Variants in FGD3 observed in about 807,000 individuals in gnomAD.
The protein encoded by FGD3 is FYVE, RhoGEF and PH domain-containing protein 3.
Under a neutral mutation model 71.8 loss-of-function variants are expected in FGD3, and 45 were observed. The observed-to-expected ratio is 0.63, with a 90% CI of 0.49 to 0.80. The LOEUF (loss-of-function observed/expected upper bound fraction) is 0.80, where lower values mean the gene tolerates loss of function less well. Among genes scored for constraint, FGD3 ranks in the 30% least tolerant of loss-of-function variants. The pLI is 0.00. For synonymous variants in FGD3, 378 were observed against 392.8 expected, an observed-to-expected ratio of 0.96 and a Z score of 0.44; for missense variants, 844 against 951.5, an observed-to-expected ratio of 0.89 and a Z score of 1.49.
At chr9:92,982,868 C>T (rs1860049407) in intron 3 of FGD3, among the ~76,000 whole-genome samples, 1 of 151,472 alleles carries the variant, frequency 6.6e-6, no homozygotes, top group South Asian at 2.1e-4. Context: ...AATGGATCAC[C>T]TGAGGTCAGG....
intron 6 of FGD3, 77 bp from the exon 7 acceptor site, chr9:93,010,169 G>A: frequency 6.6e-7 from 1 of 1,514,206 alleles, no homozygotes. Flanking sequence ...TCCTGGGGCT[G>A]TGGTGGCCAG....
chr9:93,028,237 C>CA (rs60654238), intron 14 of FGD3, among the ~76,000 whole-genome samples: 3 of 148,444 alleles, frequency 2.0e-5, no homozygotes, highest in Admixed American at 6.8e-5. Context: ...CACACACACA[C>CA]CCCAATTTTC....
At chr9:92,978,628 C>A (rs1194252588) in intron 3 of FGD3, among the ~76,000 whole-genome samples, 1 of 151,102 alleles carries the variant, frequency 6.6e-6, no homozygotes, top group Non-Finnish European at 1.5e-5. Flanking sequence ...AGGCTCCACC[C>A]CAAGGTGAAC....
At chr9:93,030,414 A>G (rs2118837044) in intron 15 of FGD3, among the ~76,000 whole-genome samples, 1 of 152,256 alleles carries the variant, frequency 6.6e-6, no homozygotes, top group Middle Eastern at 3.4e-3. Flanking sequence ...TGGTGGGCCC[A>G]TGTGATGAGG....
intron 3 of FGD3, among the ~76,000 whole-genome samples, chr9:92,995,678 G>A (rs1165495380): frequency 6.6e-6 from 1 of 152,186 alleles, no homozygotes; most frequent in Non-Finnish European, 1.5e-5. Flanking sequence ...AGAGTTTTTA[G>A]CATGAAAGGC....
Position 93,035,671 on chromosome 9 carries a change from C to A in FGD3, c.*82C>A. 1 of 1,488,160 alleles carries A rather than the reference C, an allele frequency of 6.7e-7. No individual in the cohort carries two copies. Among genetic ancestry groups the A allele is most frequent in the African/African-American group, 1.4e-5 (1 of 71,840 alleles). The allele number at this position is 1,488,160 out of a possible 1,614,324, so 92.2% of individuals were successfully genotyped here. Reference sequence around the variant, plus strand: ...GTGGTGTTGGAGGCCCCATGAAGAGCGCCCTGGACTGCTGAGGGTGGGCCA... The same window carrying A: ...GTGGTGTTGGAGGCCCCATGAAGAGAGCCCTGGACTGCTGAGGGTGGGCCA... On this transcript the variant is annotated 3_prime_UTR_variant, in exon 18 of 18. Transcript: ENST00000375482.
chr9:93,006,547 AC>A (rs1230796771), intron 6 of FGD3, among the ~76,000 whole-genome samples: 1 of 152,092 alleles, frequency 6.6e-6, no homozygotes, highest in Non-Finnish European at 1.5e-5. Flanking sequence ...TTTAAATGTT[AC>A]ATTGCTTTTT....
At chr9:93,033,363 T>TCCCTCCTTCCTCTCCCTCC in intron 16 of FGD3, 1 of 172,834 alleles carries the variant, frequency 5.8e-6, no homozygotes, top group Non-Finnish European at 1.1e-5. Context: ...CCTCTTCCTC[T>TCCCTCCTTCCTCTCCCTCC]CCCTCCTTCC....
chr9:93,032,585 C>G, intron 15 of FGD3, 184 bp from the exon 16 acceptor site: 1 of 634,018 alleles, frequency 1.6e-6, no homozygotes. Context: ...GCAGGGCCAG[C>G]CTTGCTCTCT....
chr9:93,005,478 G>A (rs1302646256), intron 5 of FGD3, among the ~76,000 whole-genome samples: 1 of 152,154 alleles, frequency 6.6e-6, no homozygotes. Flanking sequence ...CTTAGTGATG[G>A]CTTTGTGCCT....
At chr9:92,996,787 T>A (rs1248102292) in intron 3 of FGD3, among the ~76,000 whole-genome samples, 3 of 152,222 alleles carry the variant, frequency 2.0e-5, no homozygotes, top group African/African-American at 4.8e-5. Flanking sequence ...TTGAGCGGTT[T>A]TGAGTGAGTT....
intron 1 of FGD3, among the ~76,000 whole-genome samples, chr9:92,971,566 C>T (rs4744158): frequency 0.017 from 670 of 39,468 alleles, no homozygotes; most frequent in Non-Finnish European, 0.023. Context: ...CTTTTCTTTT[C>T]TTTTTTTTTT....
chr9:93,012,000 T>TA (rs1255121374), intron 8 of FGD3, among the ~76,000 whole-genome samples: 1 of 150,736 alleles, frequency 6.6e-6, no homozygotes, highest in African/African-American at 2.4e-5. Context: ...CTACTAAAAA[T>TA]ACAAAAAATT....
intron 15 of FGD3, among the ~76,000 whole-genome samples, chr9:93,030,843 TGGATGGATGGATGAGG>T (rs1236910365): frequency 1.3e-5 from 2 of 150,400 alleles, no homozygotes; most frequent in Admixed American, 1.3e-4. Flanking sequence ...GATGGATGCG[TGGATGGATGGATGAGG>T]GGATGGATGG....
chr9:93,032,684 C>G lies in FGD3; in HGVS notation c.1681-85C>G. 3 of 1,255,218 alleles carry G rather than the reference C, an allele frequency of 2.4e-6. No homozygotes were observed. In the South Asian group the frequency reaches 3.8e-5, roughly 16 times the overall value. 77.8% of individuals were successfully genotyped at this position (1,255,218 alleles called of 1,614,324 possible). ...AAGTCTCCTCCCGCCCACTCCACCT[C>G]CCGCCCACTCTACCTCCTCTGGCAT... On this transcript the variant is annotated intron_variant, in intron 15 of 17. Coordinates refer to ENST00000375482, the MANE Select transcript of FGD3 (RefSeq NM_001083536.2).
intron 9 of FGD3, 113 bp from the exon 10 acceptor site, chr9:93,015,624 C>A: frequency 3.0e-6 from 2 of 657,524 alleles, no homozygotes; most frequent in Non-Finnish European, 5.3e-6. Context: ...AAATATTTTT[C>A]ACTTTATAAC....
intron 7 of FGD3, 120 bp from the exon 8 acceptor site, chr9:93,011,094 C>G: frequency 9.5e-7 from 1 of 1,051,730 alleles, no homozygotes; most frequent in South Asian, 1.3e-5. Flanking sequence ...CCCAGGCACC[C>G]TGGGAAAGGC....
chr9:92,992,923 C>T (rs1211247819), intron 3 of FGD3, among the ~76,000 whole-genome samples: 1 of 152,234 alleles, frequency 6.6e-6, no homozygotes, highest in East Asian at 1.9e-4. Flanking sequence ...AGGGAAGTCC[C>T]TCCTGACTCT....
chr9:92,966,972 T>TG (rs1226433570), intron 1 of FGD3, among the ~76,000 whole-genome samples: 115 of 152,024 alleles, frequency 7.6e-4, no homozygotes, highest in African/African-American at 2.5e-3. Flanking sequence ...TTTTTTTTTT[T>TG]TTGGGGGGGG....
Sources: gnomAD v4.1 joint callset for allele counts (sites outside exome capture counted in the v4.1 genomes callset) on GRCh38, gnomAD v4.1.1 for gene constraint, MANE v1.5 for transcripts, NCBI Gene and HGNC (gene_info 2026-07-23, HGNC 2026-07-21) for gene names.